The following RBFOX1 variants were observed in gnomAD, a reference collection of about 807,000 sequenced individuals.
RBFOX1 encodes the protein RNA binding protein fox-1 homolog 1.
A neutral mutation model predicts 57.7 loss-of-function variants in RBFOX1; 8 were observed. That is an observed-to-expected ratio of 0.14 (90% CI 0.08 to 0.25). The LOEUF (loss-of-function observed/expected upper bound fraction) is 0.25, where lower values mean the gene tolerates loss of function less well. Among genes scored for constraint, RBFOX1 ranks in the 10% least tolerant of loss-of-function variants. The pLI is 1.00. For missense variants in RBFOX1, 611 were observed against 548.5 expected (o/e 1.11, Z -1.14); for synonymous variants, 326 against 222.4 (o/e 1.47, Z -4.15).
At chr16:6,968,095 T>A (rs563578388) in intron 3 of RBFOX1, among the ~76,000 whole-genome samples, 1 of 152,214 alleles carries the variant, frequency 6.6e-6, no homozygotes, top group East Asian at 1.9e-4. Context: ...GCCACTGGAA[T>A]GGATCTGTGG....
chr16:5,444,310 T>G (rs1289748724), intron 1 of RBFOX1, among the ~76,000 whole-genome samples: 1 of 152,224 alleles, frequency 6.6e-6, no homozygotes, highest in Non-Finnish European at 1.5e-5. Flanking sequence ...TATATTCAAA[T>G]CTGATCACTC....
chr16:6,963,722 G>A (rs1310645420), intron 3 of RBFOX1, among the ~76,000 whole-genome samples: 2 of 151,986 alleles, frequency 1.3e-5, no homozygotes, highest in Non-Finnish European at 2.9e-5. Flanking sequence ...TTTTTGAGAT[G>A]GAGTCTTGCT....
intron 4 of RBFOX1, among the ~76,000 whole-genome samples, chr16:5,961,806 G>A (rs529598685): frequency 2.0e-5 from 3 of 152,334 alleles, no homozygotes; most frequent in Admixed American, 1.3e-4. Context: ...GGGGTTGCAT[G>A]CATGAGTCAT....
At position 6,087,981 on chromosome 16, in the gene RBFOX1, G is replaced by A. The variant is rs574530353; in HGVS notation, c.-127+67989G>A. Among the ~76,000 whole-genome samples, 45 of 152,182 alleles carry A rather than the reference G, an allele frequency of 3.0e-4. 1 individual carries two copies. In the South Asian group the frequency reaches 6.4e-3, roughly 22 times the overall value. ...TTATTTCTTGTATAAAAACTCCTGC[G>A]TGTGTGTGTTTGTGTGTGTGTGTAA... On this transcript the variant is annotated intron_variant, in intron 1 of 15. Transcript: ENST00000550418.
At chr16:5,544,017 G>A (rs1366115943) in intron 2 of RBFOX1, among the ~76,000 whole-genome samples, 1 of 152,194 alleles carries the variant, frequency 6.6e-6, no homozygotes, top group Non-Finnish European at 1.5e-5. Flanking sequence ...GATACAGAGA[G>A]TAGATAGAAA....
chr16:6,440,471 A>G (rs2094352747), intron 2 of RBFOX1, among the ~76,000 whole-genome samples: 1 of 152,084 alleles, frequency 6.6e-6, no homozygotes, highest in Non-Finnish European at 1.5e-5. Flanking sequence ...TTAGGCTGAG[A>G]AATTAGGAAA....
intron 1 of RBFOX1, among the ~76,000 whole-genome samples, chr16:6,112,048 T>A (rs553686391): frequency 4.6e-5 from 7 of 152,182 alleles, no homozygotes; most frequent in Non-Finnish European, 8.8e-5. Flanking sequence ...TGTTATAGAT[T>A]GAATGAAGTA....
chr16:6,270,704 G>A (rs2075108384), intron 1 of RBFOX1, among the ~76,000 whole-genome samples: 1 of 152,148 alleles, frequency 6.6e-6, no homozygotes, highest in Non-Finnish European at 1.5e-5. Context: ...AAAGAACAAT[G>A]CAACCATTAT....
intron 1 of RBFOX1, among the ~76,000 whole-genome samples, chr16:6,076,107 T>C (rs2095895576): frequency 6.6e-6 from 1 of 152,156 alleles, no homozygotes; most frequent in Non-Finnish European, 1.5e-5. Flanking sequence ...AAAACCAGCC[T>C]GACCAACATG....
chr16:5,404,135 G>A (rs2066797012), intron 1 of RBFOX1, among the ~76,000 whole-genome samples: 1 of 151,816 alleles, frequency 6.6e-6, no homozygotes, highest in Non-Finnish European at 1.5e-5. Context: ...ATTAACACTG[G>A]AGACTTGGAG....
intron 1 of RBFOX1, among the ~76,000 whole-genome samples, chr16:6,212,875 AG>A (rs2097307876): frequency 6.6e-6 from 1 of 152,212 alleles, no homozygotes; most frequent in African/African-American, 2.4e-5. Flanking sequence ...AGAGACCAAT[AG>A]TAAAAAAAAG....
intron 3 of RBFOX1, among the ~76,000 whole-genome samples, chr16:5,652,553 C>T (rs779171621): frequency 6.6e-5 from 10 of 152,166 alleles, no homozygotes; most frequent in Admixed American, 2.0e-4. Context: ...TTTTGTGCTT[C>T]GCCAAGGCCA....
chr16:6,299,635 C>T (rs1242681229), intron 1 of RBFOX1, among the ~76,000 whole-genome samples: 1 of 152,184 alleles, frequency 6.6e-6, no homozygotes, highest in Non-Finnish European at 1.5e-5. Flanking sequence ...AAAATATGGT[C>T]AGAACAAGTC....
intron 2 of RBFOX1, among the ~76,000 whole-genome samples, chr16:6,633,079 T>G (rs1238796487): frequency 6.6e-6 from 1 of 152,172 alleles, no homozygotes; most frequent in Non-Finnish European, 1.5e-5. Flanking sequence ...GGGACATGCT[T>G]TTTTCCAGCC....
intron 3 of RBFOX1, among the ~76,000 whole-genome samples, chr16:6,791,269 C>G (rs537118439): frequency 6.6e-6 from 1 of 152,276 alleles, no homozygotes; most frequent in East Asian, 1.9e-4. Flanking sequence ...GCCATTGACT[C>G]AGCTGCATGG....
At chr16:7,341,993 G>T (rs2096907126) in intron 4 of RBFOX1, among the ~76,000 whole-genome samples, 1 of 152,058 alleles carries the variant, frequency 6.6e-6, no homozygotes, top group African/African-American at 2.4e-5. Context: ...TTGGCTCCTG[G>T]AGGAGGGGAG....
chr16:6,307,115 A>G (rs981116897), intron 1 of RBFOX1, among the ~76,000 whole-genome samples: 1 of 152,222 alleles, frequency 6.6e-6, no homozygotes, highest in Non-Finnish European at 1.5e-5. Context: ...GCTGTTGACT[A>G]GTGGTAAAAC....
intron 3 of RBFOX1, among the ~76,000 whole-genome samples, chr16:5,654,914 ATC>A (rs773021454): frequency 3.3e-5 from 5 of 151,878 alleles, no homozygotes; most frequent in Non-Finnish European, 7.4e-5. Flanking sequence ...CTCTCTTCTC[ATC>A]TCTGTACCAT....
chr16:6,472,004 T>C (rs757242698), intron 2 of RBFOX1, among the ~76,000 whole-genome samples: 2 of 152,186 alleles, frequency 1.3e-5, no homozygotes, highest in African/African-American at 4.8e-5. Context: ...TCTCCTTGTC[T>C]CTCCACCTCT....
Sources: allele counts gnomAD v4.1 joint callset (sites outside exome capture counted in the v4.1 genomes callset), GRCh38; gene constraint gnomAD v4.1.1; transcripts MANE v1.5; gene names NCBI Gene and HGNC (gene_info 2026-07-23, HGNC 2026-07-21).